Variants in NRG2 observed in about 807,000 individuals in gnomAD.
NRG2 encodes neuregulin 2.
Under a neutral mutation model 73.9 loss-of-function variants are expected in NRG2, and 27 were observed. The ratio of observed to expected loss-of-function variants is 0.37; its 90% CI spans 0.27 to 0.50. The LOEUF is 0.50. Ranked by LOEUF, NRG2 falls within the 20% of genes least tolerant of loss-of-function variation. The pLI is 0.96. For missense variants in NRG2, 1,126 were observed against 1,210.1 expected (o/e 0.93, Z 1.03); for synonymous variants, 532 against 541.0 (o/e 0.98, Z 0.23).
At position 139,989,932 on chromosome 5, in the gene NRG2, G is replaced by GCGCT. The variant is rs1561733780; in HGVS notation, c.700+52437_700+52438insAGCG. 2.0e-5 allele frequency among the ~76,000 whole-genome samples: 3 copies of GCGCT among 151,080 alleles called. No individual in the cohort carries two copies. The East Asian group carries it at 5.8e-4, about 29-fold the overall frequency. On this transcript the variant is annotated intron_variant, in intron 1 of 9. Transcript: ENST00000361474. ...GCCTCCCGAGTAGCTGGGACTACAG[G>GCGCT]TGCCCACCACCACGCCCAGCTAATT...
intron 1 of NRG2, among the ~76,000 whole-genome samples, chr5:139,943,170 G>A (rs187748876): frequency 7.1e-4 from 108 of 151,822 alleles, no homozygotes; most frequent in African/African-American, 2.1e-3. Flanking sequence ...CTTTTGAGAC[G>A]GAGTCTTGCT....
At chr5:139,986,198 G>C (rs1429839296) in intron 1 of NRG2, among the ~76,000 whole-genome samples, 1 of 152,168 alleles carries the variant, frequency 6.6e-6, no homozygotes, top group African/African-American at 2.4e-5. Context: ...TAATGGGAAG[G>C]AATGAAAAAT....
At chr5:139,952,055 C>T (rs1754244204) in intron 1 of NRG2, among the ~76,000 whole-genome samples, 1 of 152,230 alleles carries the variant, frequency 6.6e-6, no homozygotes, top group African/African-American at 2.4e-5. Flanking sequence ...GGGATTTAAC[C>T]TTTCTGAGAC....
chr5:139,995,960 G>A (rs1010612657), intron 1 of NRG2, among the ~76,000 whole-genome samples: 1 of 152,298 alleles, frequency 6.6e-6, no homozygotes, highest in African/African-American at 2.4e-5. Context: ...AGGCTACCAT[G>A]AGCTATGATC....
At position 139,851,834 on chromosome 5, in the gene NRG2, G is replaced by C; in HGVS notation, c.1545-3C>G. On this transcript the variant is annotated splice_polypyrimidine_tract_variant and splice_region_variant and intron_variant, in intron 8 of 9. Transcript: ENST00000361474. This position sits in a 1 kb window ranked among gnomAD's most constrained non-coding sequence, Gnocchi z 4.2. ...GGCTCCACGTGTGGCTCTCGTGTCT[G>C]GGAAGGCCAGATGGGGTGAGACGAG... 6.2e-7 allele frequency: 1 copy of C among 1,613,894 alleles called. No individual in the cohort carries two copies.
At chr5:140,023,658 A>G (rs1174982994) in intron 1 of NRG2, among the ~76,000 whole-genome samples, 2 of 152,188 alleles carry the variant, frequency 1.3e-5, no homozygotes. Flanking sequence ...GAATCTCTTA[A>G]CCAATATTTG....
At chr5:140,002,306 G>A (rs1758551748) in intron 1 of NRG2, among the ~76,000 whole-genome samples, 1 of 152,200 alleles carries the variant, frequency 6.6e-6, no homozygotes, top group African/African-American at 2.4e-5. Flanking sequence ...TATAAGAAAA[G>A]TTGGTAAAAT....
chr5:139,932,615 A>G (rs1353634714), intron 1 of NRG2, among the ~76,000 whole-genome samples: 1 of 152,162 alleles, frequency 6.6e-6, no homozygotes, highest in Non-Finnish European at 1.5e-5. Context: ...CATTAAGTAG[A>G]TTTTATCTGT....
intron 1 of NRG2, among the ~76,000 whole-genome samples, chr5:139,952,174 T>G (rs1043463578): frequency 1.3e-5 from 2 of 152,222 alleles, no homozygotes; most frequent in Admixed American, 1.3e-4. Context: ...GCCTGACACA[T>G]AGTTGGCACC....
intron 1 of NRG2, among the ~76,000 whole-genome samples, chr5:139,995,833 G>C (rs1039206429): frequency 2.6e-5 from 4 of 152,130 alleles, no homozygotes; most frequent in Admixed American, 6.6e-5. Flanking sequence ...GGGCAATAGA[G>C]CAAGACTCTA....
At chr5:139,924,034 A>G (rs1258189026) in intron 1 of NRG2, among the ~76,000 whole-genome samples, 3 of 151,794 alleles carry the variant, frequency 2.0e-5, no homozygotes, top group South Asian at 4.1e-4. Flanking sequence ...GGCAAGAGGA[A>G]GCAGTGGAGA....
Position 139,865,173 on chromosome 5 carries a change from C to G in NRG2, c.1189+376G>C, listed in dbSNP as rs763910161. 6.2e-7 allele frequency: 1 copy of G among 1,613,374 alleles called. No homozygotes were observed. ...TGTCCCCGGTGTATCCCACAGGACA[C>G]CTACCAAAAGAAAGAAAACCAGAAA... On this transcript the variant is annotated intron_variant, in intron 5 of 9. Transcript: ENST00000361474. The surrounding 1 kb of genome is among the most constrained non-coding windows in gnomAD (Gnocchi z 5.2).
intron 1 of NRG2, among the ~76,000 whole-genome samples, chr5:139,979,073 C>CG (rs1204620741): frequency 1.8e-5 from 2 of 109,072 alleles, no homozygotes; most frequent in Admixed American, 2.8e-4. Context: ...CATCACACAC[C>CG]GGGGCCTGTT....
At chr5:140,020,777 C>T (rs115890976) in intron 1 of NRG2, among the ~76,000 whole-genome samples, 2,155 of 152,328 alleles carry the variant, frequency 0.014, 49 homozygotes, top group African/African-American at 0.049. Context: ...AGTTTGCATA[C>T]GTAGCCCACC....
chr5:140,007,783 C>T (rs1257588762), intron 1 of NRG2, among the ~76,000 whole-genome samples: 1 of 152,170 alleles, frequency 6.6e-6, no homozygotes, highest in African/African-American at 2.4e-5. Context: ...AGATATTATG[C>T]CAGCATTTCA....
intron 1 of NRG2, among the ~76,000 whole-genome samples, chr5:139,945,565 A>G (rs544975802): frequency 2.6e-5 from 4 of 152,194 alleles, no homozygotes; most frequent in Admixed American, 1.3e-4. Flanking sequence ...TTGAGGAAAG[A>G]GAACAAAACT....
intron 1 of NRG2, among the ~76,000 whole-genome samples, chr5:139,891,278 A>G (rs1764197783): frequency 6.6e-6 from 1 of 152,148 alleles, no homozygotes; most frequent in African/African-American, 2.4e-5. Context: ...TTGCATAGAG[A>G]CTGCTCCCAG....
At chr5:139,925,720 G>T (rs1301295968) in intron 1 of NRG2, among the ~76,000 whole-genome samples, 4 of 152,224 alleles carry the variant, frequency 2.6e-5, no homozygotes, top group Non-Finnish European at 5.9e-5. Flanking sequence ...GTACAACCGT[G>T]CTGGCAGAGG....
chr5:139,895,606 A>G (rs548304204), intron 1 of NRG2, among the ~76,000 whole-genome samples: 1 of 152,276 alleles, frequency 6.6e-6, no homozygotes, highest in East Asian at 1.9e-4. Context: ...CAGTCTCCCA[A>G]TTTCTCAACT....
Sources: gnomAD v4.1 joint callset for allele counts (sites outside exome capture counted in the v4.1 genomes callset) on GRCh38, gnomAD v4.1.1 for gene constraint, Gnocchi (gnomAD v3.1) non-coding constraint, MANE v1.5 for transcripts, NCBI Gene and HGNC (gene_info 2026-07-23, HGNC 2026-07-21) for gene names.